The following ADD3 variants were observed in gnomAD, a reference collection of about 807,000 sequenced individuals.
ADD3 encodes the protein adducin 3, also known as gamma-adducin.
ADD3 carries 25 observed loss-of-function variants against 80.2 expected under a neutral mutation model. The ratio of observed to expected loss-of-function variants is 0.31; its 90% CI spans 0.23 to 0.44. The LOEUF is 0.44. Among genes scored for constraint, ADD3 ranks in the 20% least tolerant of loss-of-function variants. ADD3 has a pLI of 1.00. For missense variants in ADD3, 829 were observed against 847.5 expected, an observed-to-expected ratio of 0.98 and a Z score of 0.27; for synonymous variants, 284 against 289.6, an observed-to-expected ratio of 0.98 and a Z score of 0.20.
chr10:110,133,303 C>A lies in ADD3; in HGVS notation c.1829-23C>A, dbSNP rs199974501. The A allele has an allele frequency of 1.5e-4, 238 of 1,552,802 alleles. 1 individual carries two copies. The East Asian group carries it at 4.9e-3, about 32-fold the overall frequency. ...AATGTTAAGTATGTAAAATAACCCC[C>A]AAAAAACCCTCCCCTTTCGTAGAAA... On this transcript the variant is annotated intron_variant, in intron 14 of 14. Coordinates refer to ENST00000356080, the MANE Select transcript of ADD3 (RefSeq NM_016824.5).
intron 2 of ADD3, among the ~76,000 whole-genome samples, chr10:110,109,489 G>A (rs2134022089): frequency 6.6e-6 from 1 of 152,248 alleles, no homozygotes; most frequent in South Asian, 2.1e-4. Context: ...TTTCCTGGAA[G>A]AACATGGGTG....
At position 110,121,670 on chromosome 10, in the gene ADD3, A is replaced by G. The variant is rs577787203; in HGVS notation, c.961-440A>G. ...GTTCCTCCTCTTCTCAAATGGGGCTATGAAAAGCTTAATTAAATTAAGATA... is the reference window on the plus strand; with the variant it reads ...GTTCCTCCTCTTCTCAAATGGGGCTGTGAAAAGCTTAATTAAATTAAGATA... On this transcript the variant is annotated intron_variant, in intron 8 of 14. Transcript: ENST00000356080. Among the ~76,000 whole-genome samples, 28 of 152,368 alleles carry G rather than the reference A, an allele frequency of 1.8e-4. 1 individual carries two copies. The South Asian group carries it at 2.7e-3, about 15-fold the overall frequency.
intron 5 of ADD3, among the ~76,000 whole-genome samples, 188 bp downstream of exon 5, chr10:110,117,610 A>G (rs1565012317): frequency 6.6e-6 from 1 of 152,188 alleles, no homozygotes; most frequent in Non-Finnish European, 1.5e-5. Context: ...TGAAGAGACT[A>G]ATAAATGAGT....
At chr10:110,079,273 C>G (rs897756096) in intron 1 of ADD3, 3 of 152,098 alleles carry the variant, frequency 2.0e-5, no homozygotes, top group Non-Finnish European at 4.4e-5. Flanking sequence ...AATTTCCTTT[C>G]TCTGCTTTAA....
At chr10:110,131,722 T>A (rs188994448) in intron 13 of ADD3, among the ~76,000 whole-genome samples, 1 of 152,264 alleles carries the variant, frequency 6.6e-6, no homozygotes, top group Non-Finnish European at 1.5e-5. Context: ...TTTCTCTGTT[T>A]TTCATATTTT....
At chr10:110,020,092 G>A (rs1853496933) in intron 1 of ADD3, among the ~76,000 whole-genome samples, 1 of 152,186 alleles carries the variant, frequency 6.6e-6, no homozygotes, top group African/African-American at 2.4e-5. Context: ...AACTTTATTA[G>A]ATGTAGTAAT....
At chr10:110,064,122 A>C (rs1468149658) in intron 1 of ADD3, among the ~76,000 whole-genome samples, 1 of 152,088 alleles carries the variant, frequency 6.6e-6, no homozygotes, top group African/African-American at 2.4e-5. Context: ...CCATTTTATG[A>C]ACATAAAATA....
chr10:110,014,887 T>G (rs898690409), intron 1 of ADD3, among the ~76,000 whole-genome samples: 1 of 152,156 alleles, frequency 6.6e-6, no homozygotes, highest in African/African-American at 2.4e-5. Flanking sequence ...GTAGAATTTT[T>G]TTTTTGAGAC....
At chr10:110,106,678 AC>A (rs1411053626) in intron 2 of ADD3, among the ~76,000 whole-genome samples, 1 of 152,052 alleles carries the variant, frequency 6.6e-6, no homozygotes, top group Non-Finnish European at 1.5e-5. Flanking sequence ...CTTTTAAGGC[AC>A]CCTGTCTCTA....
intron 2 of ADD3, among the ~76,000 whole-genome samples, chr10:110,101,312 G>A (rs996610909): frequency 4.6e-5 from 7 of 151,784 alleles, no homozygotes; most frequent in African/African-American, 7.3e-5. Flanking sequence ...GCAAGCACAC[G>A]TGACTACACA....
intron 2 of ADD3, among the ~76,000 whole-genome samples, chr10:110,108,826 C>G (rs1849670844): frequency 2.6e-5 from 4 of 152,072 alleles, no homozygotes; most frequent in African/African-American, 9.7e-5. Context: ...CCTGTTGAAG[C>G]ACTGTGAACT....
At chr10:110,078,555 A>G (rs766199034) in intron 1 of ADD3, among the ~76,000 whole-genome samples, 6 of 152,104 alleles carry the variant, frequency 3.9e-5, no homozygotes, top group East Asian at 3.8e-4. Context: ...AATTAGGCCA[A>G]CCTCCTGCCA....
At chr10:110,128,780 C>CT (rs1466236178) in intron 12 of ADD3, among the ~76,000 whole-genome samples, 1 of 152,150 alleles carries the variant, frequency 6.6e-6, no homozygotes, top group Non-Finnish European at 1.5e-5. Context: ...ACATCCTGAT[C>CT]TTTACACTTT....
chr10:110,130,403 C>T lies in ADD3; in HGVS notation c.1649C>T (p.Pro550Leu). The T allele has an allele frequency of 1.9e-6, 3 of 1,614,128 alleles. No homozygotes were observed. Among genetic ancestry groups the T allele is most frequent in the Non-Finnish European group, 2.5e-6 (3 of 1,179,990 alleles). ...FEDDDHGPPAPPNPFSHLTEG... is the reference protein window; with the variant it reads ...FEDDDHGPPALPNPFSHLTEG... ...GATGATGATCATGGCCCACCAGCTC[C>T]TCCTAACCCATTTAGTCATCTCACA... The change falls in exon 13 of 15, where the codon CCT becomes CTT. Residue 550 changes from proline to leucine, a missense_variant. Coordinates refer to ENST00000356080, the MANE Select transcript of ADD3 (RefSeq NM_016824.5).
intron 1 of ADD3, among the ~76,000 whole-genome samples, chr10:110,028,228 T>C (rs1854541456): frequency 6.6e-6 from 1 of 152,176 alleles, no homozygotes; most frequent in South Asian, 2.1e-4. Flanking sequence ...TCTCCCCTTA[T>C]GAGACAGGAA....
At chr10:110,063,784 A>T (rs12256133) in intron 1 of ADD3, among the ~76,000 whole-genome samples, 339 of 53,240 alleles carry the variant, frequency 6.4e-3, no homozygotes, top group Middle Eastern at 0.011. Flanking sequence ...TATATATATA[A>T]AGTGAACACC....
At chr10:110,019,423 C>T (rs1282027314) in intron 1 of ADD3, among the ~76,000 whole-genome samples, 2 of 150,738 alleles carry the variant, frequency 1.3e-5, no homozygotes, top group East Asian at 1.9e-4. Flanking sequence ...GGCGCCATCT[C>T]GGCTCACTGC....
chr10:110,118,625 A>T lies in ADD3; in HGVS notation c.606A>T (p.Gly202=). ...TAATAGGAGAAGTGGTTGACCAGGG[A>T]AGTACCAATTTGAAAATTGACCATA... ...VNIIGEVVDQ[G]STNLKIDHTG... The change falls in exon 6 of 15, where the codon GGA becomes GGT. Residue 202 remains glycine, a synonymous_variant. Coordinates refer to ENST00000356080, the MANE Select transcript of ADD3 (RefSeq NM_016824.5). 4 of 1,613,976 alleles carry T rather than the reference A, an allele frequency of 2.5e-6. No individual in the cohort carries two copies. The highest frequency in any genetic ancestry group is 2.5e-6 in the Non-Finnish European group (3 of 1,179,830).
chr10:110,049,035 A>G (rs1271780496), intron 1 of ADD3, among the ~76,000 whole-genome samples: 1 of 152,160 alleles, frequency 6.6e-6, no homozygotes, highest in East Asian at 1.9e-4. Context: ...CAACCTAGGG[A>G]CTTGGTGCCT....
Sources: gnomAD v4.1 joint callset for allele counts (sites outside exome capture counted in the v4.1 genomes callset) on GRCh38, gnomAD v4.1.1 for gene constraint, MANE v1.5 for transcripts, NCBI Gene and HGNC (gene_info 2026-07-23, HGNC 2026-07-21) for gene names.